Variants in ZRANB3 observed in about 807,000 individuals in gnomAD.
The protein encoded by ZRANB3 is zinc finger RANBP2-type containing 3, also known as DNA annealing helicase and endonuclease ZRANB3.
ZRANB3 carries 125 observed loss-of-function variants against 133.8 expected under a neutral mutation model. The observed-to-expected ratio is 0.93, with a 90% confidence interval of 0.81 to 1.08. The LOEUF is 1.08. Among genes scored for constraint, ZRANB3 ranks in the 50% least tolerant of loss-of-function variants. The probability of loss-of-function intolerance (pLI) is 0.00; values close to 1 mark genes in which losing one functional copy is unlikely to be tolerated. For missense variants in ZRANB3, 1,229 were observed against 1,275.5 expected (o/e 0.96, Z 0.56); for synonymous variants, 387 against 432.7 (o/e 0.89, Z 1.31).
In ZRANB3 at chr2:135,209,352, A is replaced by G. The variant is rs139525565; in HGVS notation, c.2496-374T>C. On this transcript the variant is annotated intron_variant, in intron 17 of 20. Coordinates refer to ENST00000264159, the MANE Select transcript of ZRANB3 (RefSeq NM_032143.4). ...TTGGCAAGCTGTGCAGAAAATCTCTAACTGTATTTTACCTCCCTCTTGGCC... is the reference window on the plus strand; with the variant it reads ...TTGGCAAGCTGTGCAGAAAATCTCTGACTGTATTTTACCTCCCTCTTGGCC... Among the ~76,000 whole-genome samples, 453 of 152,322 alleles carry G rather than the reference A, an allele frequency of 3.0e-3. 3 individuals carry two copies. The highest frequency in any genetic ancestry group is 0.01 in the African/African-American group (422 of 41,576).
At chr2:135,436,893 A>T (rs1472620742) in intron 2 of ZRANB3, among the ~76,000 whole-genome samples, 1 of 152,248 alleles carries the variant, frequency 6.6e-6, no homozygotes, top group Non-Finnish European at 1.5e-5. Context: ...TTTTCATAGC[A>T]GTACTATTCA....
At chr2:135,214,592 G>A (rs1261943752) in intron 17 of ZRANB3, among the ~76,000 whole-genome samples, 2 of 152,072 alleles carry the variant, frequency 1.3e-5, no homozygotes, top group Admixed American at 6.6e-5. Context: ...GAAAGAGAAG[G>A]TCAACAAAGA....
In ZRANB3 at chr2:135,294,047, T is replaced by G. The variant is rs143335272; in HGVS notation, c.967-18292A>C. On this transcript the variant is annotated intron_variant, in intron 8 of 20. Transcript: ENST00000264159. ...ATCAGTGTTCATCAAGCATATTGGT[T>G]TAAAATTCTCATTTCTTTTGTGTCT... Among the ~76,000 whole-genome samples the G allele has an allele frequency of 7.6e-4, 116 of 152,226 alleles. 1 individual carries two copies. In the East Asian group the frequency reaches 0.011, roughly 14 times the overall value.
intron 2 of ZRANB3, among the ~76,000 whole-genome samples, chr2:135,394,205 G>A (rs987047499): frequency 1.3e-5 from 2 of 151,986 alleles, no homozygotes; most frequent in African/African-American, 2.4e-5. Flanking sequence ...GATTTGTTAC[G>A]GGATGGCAAA....
intron 8 of ZRANB3, among the ~76,000 whole-genome samples, chr2:135,299,412 C>A (rs888387261): frequency 6.6e-6 from 1 of 152,198 alleles, no homozygotes; most frequent in African/African-American, 2.4e-5. Flanking sequence ...CTACAAGCCT[C>A]CCCTGCTCTG....
chr2:135,526,882 T>TAATA (rs2104849135), intron 1 of ZRANB3, among the ~76,000 whole-genome samples: 2 of 152,330 alleles, frequency 1.3e-5, no homozygotes, highest in Non-Finnish European at 2.9e-5. Flanking sequence ...CCTTTATCTT[T>TAATA]AACCTGAGCA....
intron 15 of ZRANB3, among the ~76,000 whole-genome samples, chr2:135,222,280 C>T: frequency 6.6e-6 from 1 of 151,448 alleles, no homozygotes; most frequent in Non-Finnish European, 1.5e-5. Context: ...GTGGGTGCTG[C>T]AATCCCAGCT....
intron 3 of ZRANB3, among the ~76,000 whole-genome samples, chr2:135,383,797 A>C (rs1466534212): frequency 6.6e-6 from 1 of 152,230 alleles, no homozygotes; most frequent in African/African-American, 2.4e-5. Context: ...GAAACCAACG[A>C]GAACAAAGAC....
chr2:135,417,790 G>T (rs1308009539), intron 2 of ZRANB3, among the ~76,000 whole-genome samples: 1 of 152,186 alleles, frequency 6.6e-6, no homozygotes, highest in African/African-American at 2.4e-5. Context: ...CATAAAAAGT[G>T]ATGAGTTCAT....
chr2:135,241,577 G>C (rs1036867942), intron 12 of ZRANB3, among the ~76,000 whole-genome samples: 5 of 152,012 alleles, frequency 3.3e-5, no homozygotes, highest in Admixed American at 2.6e-4. Flanking sequence ...AATGGGGAAT[G>C]GGAGGGTTTC....
chr2:135,233,860 C>G (rs1463004990), intron 12 of ZRANB3, among the ~76,000 whole-genome samples: 1 of 152,166 alleles, frequency 6.6e-6, no homozygotes, highest in South Asian at 2.1e-4. Context: ...TAAAGACCAT[C>G]GAGGCTAGGA....
intron 2 of ZRANB3, among the ~76,000 whole-genome samples, chr2:135,463,640 C>T (rs1690861787): frequency 6.6e-6 from 1 of 152,162 alleles, no homozygotes; most frequent in Non-Finnish European, 1.5e-5. Context: ...TGATCTCGAA[C>T]TCCTGACCTC....
intron 3 of ZRANB3, among the ~76,000 whole-genome samples, chr2:135,380,228 C>A (rs2054576309): frequency 6.6e-6 from 1 of 151,998 alleles, no homozygotes; most frequent in Non-Finnish European, 1.5e-5. Context: ...CTTTTAAAAC[C>A]CCACTCACAA....
intron 3 of ZRANB3, among the ~76,000 whole-genome samples, chr2:135,382,011 G>T (rs555085637): frequency 6.6e-6 from 1 of 152,208 alleles, no homozygotes; most frequent in African/African-American, 2.4e-5. Context: ...TTGACGAGTT[G>T]AGAGAAGAAG....
chr2:135,199,165 A>G lies in ZRANB3; in HGVS notation c.*1177T>C, dbSNP rs554660265. The stretch of plus-strand genomic sequence containing the variant: ...TAACCATCTGATTATGCCTTATTAT[A>G]AAGTGTTTTGTCATCATCACTCTTT... On this transcript the variant is annotated 3_prime_UTR_variant, in exon 21 of 21. Coordinates refer to ENST00000264159, the MANE Select transcript of ZRANB3 (RefSeq NM_032143.4). 2 of 152,358 alleles carry G rather than the reference A, an allele frequency of 1.3e-5. No individual in the cohort carries two copies. The highest frequency in any genetic ancestry group is 1.9e-4 in the East Asian group (1 of 5,196). The allele number at this position is 152,358 out of a possible 1,614,324, so 9.4% of individuals were successfully genotyped here. A position where few individuals can be genotyped will look rare whatever the true frequency, so the allele number is the denominator to read the frequency against.
intron 4 of ZRANB3, 140 bp downstream of exon 4, chr2:135,353,310 A>G: frequency 4.0e-6 from 2 of 494,198 alleles, no homozygotes; most frequent in Non-Finnish European, 6.7e-6. Context: ...ATATTTTAAA[A>G]TGTAAAATAA....
intron 6 of ZRANB3, among the ~76,000 whole-genome samples, chr2:135,333,866 T>C (rs1553474401): frequency 2.0e-5 from 3 of 152,234 alleles, no homozygotes; most frequent in Non-Finnish European, 1.5e-5. Context: ...CAACTGTATC[T>C]ACTGAACTGT....
At chr2:135,240,774 TTCA>T (rs1695518234) in intron 12 of ZRANB3, among the ~76,000 whole-genome samples, 1 of 152,038 alleles carries the variant, frequency 6.6e-6, no homozygotes, top group African/African-American at 2.4e-5. Context: ...GAGATTGAGT[TTCA>T]ACATGTTGCC....
At chr2:135,319,952 T>C (rs1453601462) in intron 6 of ZRANB3, among the ~76,000 whole-genome samples, 2 of 152,158 alleles carry the variant, frequency 1.3e-5, no homozygotes, top group Non-Finnish European at 2.9e-5. Flanking sequence ...TTCTATAAAT[T>C]TGACAGGGAC....
Sources: gnomAD v4.1 joint callset for allele counts (sites outside exome capture counted in the v4.1 genomes callset) on GRCh38, gnomAD v4.1.1 for gene constraint, MANE v1.5 for transcripts, NCBI Gene and HGNC (gene_info 2026-07-23, HGNC 2026-07-21) for gene names.